The following MAMDC2 variants were observed in gnomAD, a reference collection of about 807,000 sequenced individuals.
The protein encoded by MAMDC2 is MAM domain containing 2, also known as MAM domain-containing protein 2.
Under a neutral mutation model 89.8 loss-of-function variants are expected in MAMDC2, and 57 were observed. The observed-to-expected ratio is 0.63, with a 90% CI of 0.51 to 0.79. The LOEUF (loss-of-function observed/expected upper bound fraction) is 0.79, where lower values mean the gene tolerates loss of function less well. MAMDC2 is among the 30% of genes least tolerant of loss of function. The probability of loss-of-function intolerance (pLI) is 0.00; values close to 1 mark genes in which losing one functional copy is unlikely to be tolerated. For synonymous variants in MAMDC2, 313 were observed against 293.4 expected (o/e 1.07, Z -0.68); for missense variants, 800 against 820.6 (o/e 0.97, Z 0.31).
chr9:70,158,245 C>T (rs1405269781), intron 9 of MAMDC2, among the ~76,000 whole-genome samples: 1 of 152,110 alleles, frequency 6.6e-6, no homozygotes, highest in African/African-American at 2.4e-5. Context: ...AGCCAACACA[C>T]CCAGCCAAAG....
chr9:70,219,796 A>G (rs1424608414), intron 12 of MAMDC2, among the ~76,000 whole-genome samples: 1 of 152,202 alleles, frequency 6.6e-6, no homozygotes, highest in East Asian at 1.9e-4. Flanking sequence ...ATGGCTCAGG[A>G]ACTTACTAAT....
intron 5 of MAMDC2, among the ~76,000 whole-genome samples, chr9:70,124,335 C>CTCATACACT (rs1366368958): frequency 1.3e-5 from 2 of 152,252 alleles, no homozygotes; most frequent in East Asian, 3.8e-4. Context: ...ATCAACTTCA[C>CTCATACACT]TCATACACTT....
intron 2 of MAMDC2, among the ~76,000 whole-genome samples, chr9:70,098,165 CTG>C (rs1828075478): frequency 1.3e-5 from 2 of 152,292 alleles, no homozygotes; most frequent in African/African-American, 2.4e-5. Flanking sequence ...TGGACTGAAA[CTG>C]TGGACTGTGC....
At chr9:70,063,709 T>C (rs1460737257) in intron 2 of MAMDC2, among the ~76,000 whole-genome samples, 2 of 152,180 alleles carry the variant, frequency 1.3e-5, no homozygotes, top group Non-Finnish European at 1.5e-5. Context: ...TGGAACCTAC[T>C]TTGTGCCATA....
chr9:70,208,472 C>G (rs1023850182), intron 11 of MAMDC2, among the ~76,000 whole-genome samples: 14 of 152,226 alleles, frequency 9.2e-5, no homozygotes, highest in Non-Finnish European at 1.8e-4. Context: ...GTGATTTTTG[C>G]ACATTGATTT....
At chr9:70,178,536 C>G (rs927878353) in intron 11 of MAMDC2, among the ~76,000 whole-genome samples, 2 of 152,134 alleles carry the variant, frequency 1.3e-5, no homozygotes, top group African/African-American at 2.4e-5. Context: ...GTTACCCATT[C>G]AAAAATTAAT....
chr9:70,171,278 T>G (rs1297275517), intron 11 of MAMDC2, among the ~76,000 whole-genome samples: 1 of 152,160 alleles, frequency 6.6e-6, no homozygotes, highest in Non-Finnish European at 1.5e-5. Flanking sequence ...GTGAGAGGAT[T>G]ACTTGAGTCT....
chr9:70,082,303 A>G (rs1203556682), intron 2 of MAMDC2, among the ~76,000 whole-genome samples: 1 of 152,188 alleles, frequency 6.6e-6, no homozygotes, highest in Non-Finnish European at 1.5e-5. Flanking sequence ...GGGAGCTCAG[A>G]TAAGATGGTG....
rs113174947 is a variant in MAMDC2, at chr9:70,171,246, C to A, written c.1651+615C>A. On this transcript the variant is annotated intron_variant, in intron 11 of 13. Transcript: ENST00000377182. ...ATGTGTGGTGGCTCACTCCTATAAT[C>A]CCAGCACTTTGGGAGGCCAAGGTGA... 1,240 of 152,472 alleles carry A rather than the reference C, an allele frequency of 8.1e-3. 16 individuals are homozygous for A. The highest frequency in any genetic ancestry group is 0.012 in the Non-Finnish European group (804 of 68,090). 9.4% of individuals were successfully genotyped at this position (152,472 alleles called of 1,614,324 possible). A position where few individuals can be genotyped will look rare whatever the true frequency, so the allele number is the denominator to read the frequency against.
At chr9:70,149,926 TCTGTGTAGTG>T (rs1347693653) in intron 9 of MAMDC2, among the ~76,000 whole-genome samples, 3 of 152,318 alleles carry the variant, frequency 2.0e-5, no homozygotes, top group South Asian at 4.1e-4. Flanking sequence ...CAAGGATATG[TCTGTGTAGTG>T]CCCCTGCCCA....
intron 11 of MAMDC2, chr9:70,188,762 A>ATTT (rs10701601): frequency 0.011 from 1,010 of 95,144 alleles, 55 homozygotes; most frequent in African/African-American, 0.039. Context: ...AAAACAATTG[A>ATTT]TTTTTTTTTT....
At chr9:70,125,033 T>C (rs2030465861) in intron 5 of MAMDC2, among the ~76,000 whole-genome samples, 1 of 152,226 alleles carries the variant, frequency 6.6e-6, no homozygotes, top group South Asian at 2.1e-4. Context: ...TAACCAGAAA[T>C]TATGTCATGG....
intron 11 of MAMDC2, among the ~76,000 whole-genome samples, chr9:70,199,279 C>T (rs1014491334): frequency 8.5e-5 from 11 of 129,172 alleles, no homozygotes; most frequent in Non-Finnish European, 1.8e-4. Context: ...CCATTCCCAC[C>T]TATGAGTGAG....
intron 5 of MAMDC2, among the ~76,000 whole-genome samples, chr9:70,119,303 A>T (rs2030177521): frequency 6.6e-6 from 1 of 152,206 alleles, no homozygotes; most frequent in Non-Finnish European, 1.5e-5. Flanking sequence ...CAAGGTTTCA[A>T]AATCTAAAAT....
chr9:70,204,915 C>A (rs889144885), intron 11 of MAMDC2, among the ~76,000 whole-genome samples: 10 of 152,196 alleles, frequency 6.6e-5, no homozygotes, highest in African/African-American at 2.4e-4. Context: ...TGCTTCAGCT[C>A]GCGCATGGTG....
chr9:70,044,474 C>G (rs749285101), intron 1 of MAMDC2, 110 bp from the exon 2 acceptor site: 4 of 958,768 alleles, frequency 4.2e-6, no homozygotes, highest in Non-Finnish European at 6.3e-6. Flanking sequence ...CTCCCGCCCC[C>G]TCCCGCTCGT....
chr9:70,213,047 G>A (rs2033386750), intron 11 of MAMDC2, among the ~76,000 whole-genome samples: 1 of 152,166 alleles, frequency 6.6e-6, no homozygotes, highest in African/African-American at 2.4e-5. Flanking sequence ...ATGAAAGAAA[G>A]AAGTCAATCG....
chr9:70,195,948 C>T (rs2032966718), intron 11 of MAMDC2, among the ~76,000 whole-genome samples: 1 of 152,080 alleles, frequency 6.6e-6, no homozygotes, highest in East Asian at 1.9e-4. Context: ...CTAATAAAGA[C>T]ATACTTGAGA....
chr9:70,203,152 G>T (rs1466539931), intron 11 of MAMDC2, among the ~76,000 whole-genome samples: 1 of 151,014 alleles, frequency 6.6e-6, no homozygotes, highest in Non-Finnish European at 1.5e-5. Context: ...TCCTAGTCTT[G>T]ATGGTCTTTA....
Sources: gnomAD v4.1 joint callset for allele counts (sites outside exome capture counted in the v4.1 genomes callset) on GRCh38, gnomAD v4.1.1 for gene constraint, MANE v1.5 for transcripts, NCBI Gene and HGNC (gene_info 2026-07-23, HGNC 2026-07-21) for gene names.